The following FOXK1 variants were observed in gnomAD, a reference collection of about 807,000 sequenced individuals.
The protein encoded by FOXK1 is forkhead box K1, also known as forkhead box protein K1.
A neutral mutation model predicts 51.9 loss-of-function variants in FOXK1; 19 were observed. That is an observed-to-expected ratio of 0.37 (90% CI 0.26 to 0.54). The LOEUF (loss-of-function observed/expected upper bound fraction) is 0.54, where lower values mean the gene tolerates loss of function less well. Among genes scored for constraint, FOXK1 ranks in the 20% least tolerant of loss-of-function variants. The probability of loss-of-function intolerance (pLI) is 0.87; values close to 1 mark genes in which losing one functional copy is unlikely to be tolerated. For synonymous variants in FOXK1, 537 were observed against 482.6 expected (o/e 1.11, Z -1.48); for missense variants, 870 against 1,032.7 (o/e 0.84, Z 2.16).
Position 4,759,429 on chromosome 7 carries a change from C to G in FOXK1, c.1530C>G (p.Gly510=). 6.3e-7 allele frequency: 1 copy of G among 1,595,554 alleles called. No homozygotes were observed. The change falls in exon 7 of 9, where the codon GGC becomes GGG. Residue 510 remains glycine (G), a synonymous_variant. Coordinates refer to ENST00000328914, the MANE Select transcript of FOXK1 (RefSeq NM_001037165.2). ...ASIVTSQQPA[G]HAIHVVQQAP... is the part of the protein sequence containing the mutation. Reference sequence around the variant, plus strand: ...TCGTAACCTCACAGCAGCCCGCGGGCCACGCCATCCACGTCGTGCAGCAGG... The same window carrying G: ...TCGTAACCTCACAGCAGCCCGCGGGGCACGCCATCCACGTCGTGCAGCAGG...
In FOXK1 at chr7:4,683,975, C is replaced by G. The variant is rs565058931; in HGVS notation, c.560+1107C>G. Among the ~76,000 whole-genome samples, 48 of 152,114 alleles carry G rather than the reference C, an allele frequency of 3.2e-4. No individual in the cohort carries two copies. Among genetic ancestry groups the G allele is most frequent in the Non-Finnish European group, 5.9e-4 (40 of 68,030 alleles). ...ACCCCAAGATCAAATTAGATTCCCC[C>G]GGGCCCGAGGTCACCAGGGCAGAGA... On this transcript the variant is annotated intron_variant, in intron 1 of 8. Transcript: ENST00000328914. This position sits in a 1 kb window ranked among gnomAD's most constrained non-coding sequence, Gnocchi z 4.5.
intron 1 of FOXK1, among the ~76,000 whole-genome samples, chr7:4,710,588 G>T (rs915200359): frequency 6.6e-6 from 1 of 152,114 alleles, no homozygotes; most frequent in South Asian, 2.1e-4. Context: ...AATAAATAAA[G>T]AAATACATAA....
Position 4,729,459 on chromosome 7 carries a change from G to A in FOXK1, c.561-11379G>A, listed in dbSNP as rs1023335946. On this transcript the variant is annotated intron_variant, in intron 1 of 8. Coordinates refer to ENST00000328914, the MANE Select transcript of FOXK1 (RefSeq NM_001037165.2). This position sits in a 1 kb window ranked among gnomAD's most constrained non-coding sequence, Gnocchi z 6.2. ...TCCTTCCGCGAAGGGAAGGTGGGGGGATTTTGAAGGAGCTGTGAACACCGA... is the reference window on the plus strand; with the variant it reads ...TCCTTCCGCGAAGGGAAGGTGGGGGAATTTTGAAGGAGCTGTGAACACCGA... Among the ~76,000 whole-genome samples, 1 of 152,160 alleles carries A rather than the reference G, an allele frequency of 6.6e-6. No individual in the cohort carries two copies. Among genetic ancestry groups the A allele is most frequent in the Non-Finnish European group, 1.5e-5 (1 of 68,016 alleles).
In FOXK1 at chr7:4,759,486, C is replaced by A; in HGVS notation, c.1587C>A (p.Thr529=). 6.3e-7 allele frequency: 1 copy of A among 1,583,992 alleles called. No individual in the cohort carries two copies. The highest frequency in any genetic ancestry group is 2.3e-5 in the East Asian group (1 of 43,794). Residue 529 remains threonine (T), a synonymous_variant, in exon 7 of 9, where the codon ACC becomes ACA. Transcript: ENST00000328914. ...CCGTCACCATGGTCAGGGTGGTCAC[C>A]ACATCTGCCAACTCGGCCAACGGAT... is the stretch of plus-strand genomic sequence containing the variant. The part of the protein sequence containing the change: ...APTVTMVRVV[T]TSANSANGYI...
intron 7 of FOXK1, chr7:4,760,053 T>G: frequency 6.0e-6 from 1 of 167,802 alleles, no homozygotes; most frequent in Admixed American, 6.1e-5. Flanking sequence ...CCCATGAATC[T>G]CCGCAGATGT....
At chr7:4,752,227 C>G (rs146765675) in intron 2 of FOXK1, among the ~76,000 whole-genome samples, 5,121 of 152,346 alleles carry the variant, frequency 0.034, 253 homozygotes, top group African/African-American at 0.11. Flanking sequence ...TCACTGTAGC[C>G]TCAAACTCCT....
chr7:4,696,945 G>T (rs1260513660), intron 1 of FOXK1, among the ~76,000 whole-genome samples: 2 of 152,184 alleles, frequency 1.3e-5, no homozygotes, highest in African/African-American at 4.8e-5. Flanking sequence ...GTGTGCTCCT[G>T]TAGTCCCAGC....
rs982986531 is a variant in FOXK1, at chr7:4,745,437, C to G, written c.746+4414C>G. ...TTCTCGCAGGCCCTCGCTCCTTTTC[C>G]CAGGGTGGGTGGGTATGGGTGTGGG... is the stretch of plus-strand genomic sequence containing the variant. On this transcript the variant is annotated intron_variant, in intron 2 of 8. Coordinates refer to ENST00000328914, the MANE Select transcript of FOXK1 (RefSeq NM_001037165.2). The surrounding 1 kb of genome is among the most constrained non-coding windows in gnomAD (Gnocchi z 4.3). Among the ~76,000 whole-genome samples, 1 of 151,124 alleles carries G rather than the reference C, an allele frequency of 6.6e-6. No individual in the cohort carries two copies. The highest frequency in any genetic ancestry group is 2.0e-4 in the East Asian group (1 of 5,046).
intron 1 of FOXK1, among the ~76,000 whole-genome samples, chr7:4,686,379 A>G (rs1024356582): frequency 6.6e-6 from 1 of 152,032 alleles, no homozygotes; most frequent in African/African-American, 2.4e-5. Flanking sequence ...TTCAACCCCT[A>G]TTTGTTACTG....
At chr7:4,695,844 G>A (rs1445772684) in intron 1 of FOXK1, among the ~76,000 whole-genome samples, 5 of 151,350 alleles carry the variant, frequency 3.3e-5, no homozygotes, top group African/African-American at 4.9e-5. Flanking sequence ...GCTGAGGCAG[G>A]AGAATTGCTT....
At chr7:4,696,531 C>T (rs1278246496) in intron 1 of FOXK1, among the ~76,000 whole-genome samples, 4 of 152,124 alleles carry the variant, frequency 2.6e-5, no homozygotes, top group South Asian at 2.1e-4. Flanking sequence ...GTGGGACTTG[C>T]GGGGTGGTCA....
In FOXK1 at chr7:4,756,656, TCAGGAGGCTGAGG is replaced by T. The variant is rs1276824396; in HGVS notation, c.1051-331_1051-319del. ...GGCCCACGCCCATAGTCCCAGCTAG[TCAGGAGGCTGAGG>T]CAGGAGAATCCCTTGAACCCGGGAG... On this transcript the variant is annotated intron_variant, in intron 4 of 8. Coordinates refer to ENST00000328914, the MANE Select transcript of FOXK1 (RefSeq NM_001037165.2). This position sits in a 1 kb window ranked among gnomAD's most constrained non-coding sequence, Gnocchi z 4.1. Among the ~76,000 whole-genome samples, 2 of 151,468 alleles carry T rather than the reference TCAGGAGGCTGAGG, an allele frequency of 1.3e-5. No homozygotes were observed. Among genetic ancestry groups the T allele is most frequent in the Admixed American group, 1.3e-4 (2 of 15,196 alleles).
intron 1 of FOXK1, among the ~76,000 whole-genome samples, chr7:4,690,121 G>C (rs113769892): frequency 0.026 from 3,888 of 152,298 alleles, 75 homozygotes; most frequent in South Asian, 0.057. Context: ...ACAAAGACGG[G>C]CATCAGGTCC....
chr7:4,684,466 A>C (rs1449867946), intron 1 of FOXK1, among the ~76,000 whole-genome samples: 3 of 152,232 alleles, frequency 2.0e-5, no homozygotes, highest in Admixed American at 6.5e-5. Flanking sequence ...TGAGAGGGGA[A>C]GTATACCTTT....
In FOXK1 at chr7:4,723,472, T is replaced by C. The variant is rs986976888; in HGVS notation, c.561-17366T>C. ...CTTGGAATAATCTTGCTCAGCTGAA[T>C]AATGTTGCAGACTAAAAATAGCAAA... On this transcript the variant is annotated intron_variant, in intron 1 of 8. Coordinates refer to ENST00000328914, the MANE Select transcript of FOXK1 (RefSeq NM_001037165.2). This position sits in a 1 kb window ranked among gnomAD's most constrained non-coding sequence, Gnocchi z 4.7. Among the ~76,000 whole-genome samples, 12 of 152,042 alleles carry C rather than the reference T, an allele frequency of 7.9e-5. No individual in the cohort carries two copies. Among genetic ancestry groups the C allele is most frequent in the African/African-American group, 2.9e-4 (12 of 41,396 alleles).
Position 4,766,756 on chromosome 7 carries a change from A to G in FOXK1, c.*4292A>G, listed in dbSNP as rs548767913. 1.6e-4 allele frequency: 24 copies of G among 152,228 alleles called. No individual in the cohort carries two copies. The highest frequency in any genetic ancestry group is 5.3e-4 in the African/African-American group (22 of 41,532). 9.4% of individuals were successfully genotyped at this position (152,228 alleles called of 1,614,324 possible). ...GGTCCATTTTCTGTACTGGTTTGAG[A>G]TCACAGGCATCATTCAGCGAATGCT... On this transcript the variant is annotated 3_prime_UTR_variant, in exon 9 of 9. Coordinates refer to ENST00000328914, the MANE Select transcript of FOXK1 (RefSeq NM_001037165.2). The surrounding 1 kb of genome is among the most constrained non-coding windows in gnomAD (Gnocchi z 5.5).
intron 2 of FOXK1, among the ~76,000 whole-genome samples, chr7:4,750,565 C>T (rs191258737): frequency 1.3e-5 from 2 of 152,112 alleles, no homozygotes; most frequent in African/African-American, 2.4e-5. Flanking sequence ...GCCTCAGCCT[C>T]CCAAGTAGCT....
At position 4,754,453 on chromosome 7, in the gene FOXK1, C is replaced by A. The variant is rs1780816447; in HGVS notation, c.747-6C>A. 1.2e-6 allele frequency: 2 copies of A among 1,612,458 alleles called. No homozygotes were observed. Among genetic ancestry groups the A allele is most frequent in the Non-Finnish European group, 1.7e-6 (2 of 1,179,830 alleles). On this transcript the variant is annotated splice_polypyrimidine_tract_variant and splice_region_variant and intron_variant, in intron 2 of 8. Transcript: ENST00000328914. Reference sequence around the variant, plus strand: ...ATGAACTTACAGTGTCCTTCTCTCTCCTCAGTGTCCCCAACTCCTGCCCAG... The same window carrying A: ...ATGAACTTACAGTGTCCTTCTCTCTACTCAGTGTCCCCAACTCCTGCCCAG...
rs28491422 is a variant in FOXK1 at position 4,765,378 on chromosome 7, A to G, written c.*2914A>G. ...GCGCCTCCCAGCCAGGCGCTTTCGC[A>G]GAAGCAAGAGCACAGGCCAGGGGGA... On this transcript the variant is annotated 3_prime_UTR_variant, in exon 9 of 9. Coordinates refer to ENST00000328914, the MANE Select transcript of FOXK1 (RefSeq NM_001037165.2). The G allele has an allele frequency of 0.077, 11,681 of 152,324 alleles. 740 individuals are homozygous for G. The highest frequency in any genetic ancestry group is 0.17 in the African/African-American group (6,958 of 41,534). 9.4% of individuals were successfully genotyped at this position (152,324 alleles called of 1,614,324 possible).
Sources: gnomAD v4.1 joint callset for allele counts (sites outside exome capture counted in the v4.1 genomes callset) on GRCh38, gnomAD v4.1.1 for gene constraint, Gnocchi (gnomAD v3.1) non-coding constraint, MANE v1.5 for transcripts, NCBI Gene and HGNC (gene_info 2026-07-23, HGNC 2026-07-21) for gene names.